ATL2: variants seen among roughly 807,000 people sequenced by gnomAD.
ATL2 encodes atlastin GTPase 2.
A neutral mutation model predicts 73.9 loss-of-function variants in ATL2; 31 were observed. The observed-to-expected ratio is 0.42, with a 90% CI of 0.32 to 0.57. ATL2 has a LOEUF of 0.57. ATL2 is among the 20% of genes least tolerant of loss of function. The probability of loss-of-function intolerance (pLI) is 0.14; values close to 1 mark genes in which losing one functional copy is unlikely to be tolerated. For synonymous variants in ATL2, 291 were observed against 237.5 expected, an observed-to-expected ratio of 1.23 and a Z score of -2.07; for missense variants, 738 against 702.6, an observed-to-expected ratio of 1.05 and a Z score of -0.57.
At chr2:38,356,937 T>C (rs1016123111) in intron 1 of ATL2, among the ~76,000 whole-genome samples, 1 of 152,190 alleles carries the variant, frequency 6.6e-6, no homozygotes, top group Non-Finnish European at 1.5e-5. Context: ...GTTTAAACAG[T>C]ATTTTACGAC....
At chr2:38,318,507 G>T in intron 4 of ATL2, 28 bp downstream of exon 4, 1 of 1,500,246 alleles carries the variant, frequency 6.7e-7, no homozygotes, top group Non-Finnish European at 9.0e-7. Flanking sequence ...TACGTGAACT[G>T]ATCGCACCAC....
intron 7 of ATL2, among the ~76,000 whole-genome samples, chr2:38,312,476 C>T (rs1667807952): frequency 1.3e-5 from 2 of 151,860 alleles, no homozygotes; most frequent in African/African-American, 4.8e-5. Flanking sequence ...TTTGGGAGGC[C>T]GAGGTAGGCC....
upstream of ATL2, among the ~76,000 whole-genome samples, chr2:38,378,427 C>T (rs931171562): frequency 1.3e-5 from 2 of 152,268 alleles, no homozygotes; most frequent in African/African-American, 4.8e-5. Flanking sequence ...TTTATAGACA[C>T]GGGATTTCAC....
At chr2:38,355,081 C>A (rs1168334029) in intron 1 of ATL2, among the ~76,000 whole-genome samples, 1 of 141,576 alleles carries the variant, frequency 7.1e-6, no homozygotes, top group African/African-American at 2.6e-5. Flanking sequence ...CCAATAAAAA[C>A]GCAGAGACTG....
chr2:38,368,658 A>C (rs1014269524), intron 1 of ATL2, among the ~76,000 whole-genome samples: 1 of 152,390 alleles, frequency 6.6e-6, no homozygotes, highest in Non-Finnish European at 1.5e-5. Flanking sequence ...GAAAGAAACC[A>C]ACACACACAA....
chr2:38,328,057 C>T (rs1668768717), intron 2 of ATL2, among the ~76,000 whole-genome samples: 1 of 152,146 alleles, frequency 6.6e-6, no homozygotes, highest in Non-Finnish European at 1.5e-5. Flanking sequence ...GAAAAACATA[C>T]CATGCCAACA....
intron 2 of ATL2, among the ~76,000 whole-genome samples, chr2:38,332,754 G>C (rs546345398): frequency 6.6e-6 from 1 of 152,290 alleles, no homozygotes; most frequent in African/African-American, 2.4e-5. Flanking sequence ...GCCCACTCAA[G>C]TTTCTGTTGA....
intron 6 of ATL2, 96 bp downstream of exon 6, chr2:38,314,512 C>A: frequency 1.3e-6 from 1 of 784,418 alleles, no homozygotes. Flanking sequence ...AGCAATGAGT[C>A]TATTGTAATA....
chr2:38,365,079 T>C (rs1433955697), intron 1 of ATL2, among the ~76,000 whole-genome samples: 4 of 149,484 alleles, frequency 2.7e-5, no homozygotes, highest in Non-Finnish European at 4.4e-5. Flanking sequence ...AGTTGTAAAG[T>C]ATCAAGCCAT....
chr2:38,315,330 T>C lies in ATL2; in HGVS notation c.608A>G (p.Tyr203Cys), dbSNP rs1245790431. 5 of 1,501,718 alleles carry C rather than the reference T, an allele frequency of 3.3e-6. No homozygotes were observed. Among genetic ancestry groups the C allele is most frequent in the Non-Finnish European group, 4.4e-6 (5 of 1,135,812 alleles). The allele number at this position is 1,501,718 out of a possible 1,614,324, so 93.0% of individuals were successfully genotyped here. Residue 203 changes from tyrosine to cysteine, a missense_variant, in exon 5 of 13, where the codon TAT (tyrosine) becomes TGT (cysteine). Physicochemically the swap from Tyr to Cys is radical, Grantham distance 194. Transcript: ENST00000378954. The stretch of plus-strand genomic sequence containing the variant: ...TTCTTGAATATTCTGAGACAGATTA[T>C]ATACCTGTTGAAACAAAATTTATTT... ...LSTMTSSVQV[Y>C]NLSQNIQEDD... is the part of the protein sequence containing the mutation.
At chr2:38,325,254 T>C (rs892282924) in intron 2 of ATL2, among the ~76,000 whole-genome samples, 3 of 152,086 alleles carry the variant, frequency 2.0e-5, no homozygotes, top group Admixed American at 6.6e-5. Flanking sequence ...CAATAAACTC[T>C]CCTTTCTTAG....
intron 2 of ATL2, among the ~76,000 whole-genome samples, chr2:38,326,352 G>A (rs6746242): frequency 0.1 from 15,808 of 152,124 alleles, 2,731 homozygotes; most frequent in African/African-American, 0.36. Context: ...CCTCATAATA[G>A]AAGCCTAAAT....
chr2:38,335,971 G>C (rs1359234119), intron 2 of ATL2, among the ~76,000 whole-genome samples: 11 of 152,262 alleles, frequency 7.2e-5, no homozygotes, highest in Non-Finnish European at 1.2e-4. Flanking sequence ...AGCTTGCAGT[G>C]AGCCACTGCA....
At chr2:38,345,414 T>C (rs1157560672) in intron 1 of ATL2, among the ~76,000 whole-genome samples, 1 of 152,180 alleles carries the variant, frequency 6.6e-6, no homozygotes, top group African/African-American at 2.4e-5. Flanking sequence ...TTATCTGATT[T>C]GCAAAGACTA....
intron 1 of ATL2, among the ~76,000 whole-genome samples, chr2:38,354,875 A>G (rs1670570599): frequency 6.6e-6 from 1 of 152,162 alleles, no homozygotes; most frequent in South Asian, 2.1e-4. Flanking sequence ...GGGTAAGAAG[A>G]GCGAAACTCT....
intron 11 of ATL2, 33 bp downstream of exon 11, chr2:38,299,223 C>T: frequency 6.8e-7 from 1 of 1,481,226 alleles, no homozygotes; most frequent in Non-Finnish European, 8.9e-7. Context: ...AATCTTCTCA[C>T]TCCAGCATCA....
intron 1 of ATL2, among the ~76,000 whole-genome samples, chr2:38,350,752 A>G (rs1476839644): frequency 6.6e-6 from 1 of 152,042 alleles, no homozygotes; most frequent in Non-Finnish European, 1.5e-5. Flanking sequence ...CTGTGAAGCT[A>G]AAATTGCTCT....
At chr2:38,376,222 A>C (rs901573405) in intron 1 of ATL2, 3 of 1,486,620 alleles carry the variant, frequency 2.0e-6, no homozygotes, top group African/African-American at 2.8e-5. Context: ...TTCGCACCAC[A>C]GTGAGAGATC....
In ATL2 at chr2:38,318,642, AG is replaced by A; in HGVS notation, c.499-4del. The A allele has an allele frequency of 6.3e-7, 1 of 1,580,696 alleles. No homozygotes were observed. The highest frequency in any genetic ancestry group is 1.7e-4 in the Middle Eastern group (1 of 5,898). On this transcript the variant is annotated splice_region_variant and splice_polypyrimidine_tract_variant and intron_variant, in intron 3 of 12. Coordinates refer to ENST00000378954, the MANE Select transcript of ATL2 (RefSeq NM_001135673.4). ...GTATCCATAAGCAGCACAGCAACCTAGGAATTTGAGAGTTTAAAATATTTAG... is the reference window on the plus strand; with the variant it reads ...GTATCCATAAGCAGCACAGCAACCTAGAATTTGAGAGTTTAAAATATTTAG...
Sources: gnomAD v4.1 joint callset for allele counts (sites outside exome capture counted in the v4.1 genomes callset) on GRCh38, gnomAD v4.1.1 for gene constraint, MANE v1.5 for transcripts, NCBI Gene and HGNC (gene_info 2026-07-23, HGNC 2026-07-21) for gene names.